DNM2: variants seen among roughly 807,000 people sequenced by gnomAD.
The protein encoded by DNM2 is dynamin-2.
A neutral mutation model predicts 99.0 loss-of-function variants in DNM2; 15 were observed. The ratio of observed to expected loss-of-function variants is 0.15; its 90% confidence interval spans 0.10 to 0.23. The LOEUF is 0.23. Ranked by LOEUF, DNM2 falls within the 10% of genes least tolerant of loss-of-function variation. The pLI, the probability that DNM2 is intolerant of heterozygous loss-of-function variation, is 1.00. For synonymous variants in DNM2, 525 were observed against 481.2 expected (o/e 1.09, Z -1.19); for missense variants, 742 against 1,189.4 (o/e 0.62, Z 5.53).
chr19:10,783,414 C>T (rs894251747), intron 6 of DNM2, among the ~76,000 whole-genome samples: 1 of 152,086 alleles, frequency 6.6e-6, no homozygotes, highest in Admixed American at 6.6e-5. Context: ...CTTCAGTGAG[C>T]CATGTTCATG....
intron 1 of DNM2, among the ~76,000 whole-genome samples, chr19:10,750,147 C>T (rs2145808462): frequency 6.6e-6 from 1 of 152,126 alleles, no homozygotes; most frequent in African/African-American, 2.4e-5. Context: ...TGGGGCCTGG[C>T]CTGGGCCCAT....
At chr19:10,728,285 C>T (rs1216672302) in intron 1 of DNM2, among the ~76,000 whole-genome samples, 1 of 152,186 alleles carries the variant, frequency 6.6e-6, no homozygotes, top group Non-Finnish European at 1.5e-5. Flanking sequence ...CTCTTAGCAT[C>T]CCTGCTTTAT....
rs2072548771 is a variant in DNM2 at position 10,811,645 on chromosome 19, A to T, written c.1558-619A>T. The T allele has an allele frequency of 2.0e-6, 1 of 493,842 alleles. No individual in the cohort carries two copies. Among genetic ancestry groups the T allele is most frequent in the African/African-American group, 2.0e-5 (1 of 51,244 alleles). 30.6% of individuals were successfully genotyped at this position (493,842 alleles called of 1,614,324 possible). A position where few individuals can be genotyped will look rare whatever the true frequency, so the allele number is the denominator to read the frequency against. On this transcript the variant is annotated intron_variant, in intron 14 of 20. Coordinates refer to ENST00000389253, the MANE Select transcript of DNM2 (RefSeq NM_001005361.3). This position sits in a 1 kb window ranked among gnomAD's most constrained non-coding sequence, Gnocchi z 5.4. ...CAGGGAGCATGGGAGCACAGCCCCC[A>T]GGCTGCCTGCCGTTAGTTGTCAGGT...
Position 10,817,695 on chromosome 19 carries a change from G to A in DNM2, c.1672-2285G>A, listed in dbSNP as rs549116743. On this transcript the variant is annotated intron_variant, in intron 15 of 20. Coordinates refer to ENST00000389253, the MANE Select transcript of DNM2 (RefSeq NM_001005361.3). This position sits in a 1 kb window ranked among gnomAD's most constrained non-coding sequence, Gnocchi z 4.6. ...GGGTTTTCAGGAAATCCTAAAGAGTGGGGGAGGCGGAGCAGGAGGCAGGGT... is the reference window on the plus strand; with the variant it reads ...GGGTTTTCAGGAAATCCTAAAGAGTAGGGGAGGCGGAGCAGGAGGCAGGGT... 6.6e-6 allele frequency among the ~76,000 whole-genome samples: 1 copy of A among 150,916 alleles called. No homozygotes were observed. Among genetic ancestry groups the A allele is most frequent in the African/African-American group, 2.4e-5 (1 of 41,088 alleles).
intron 2 of DNM2, among the ~76,000 whole-genome samples, chr19:10,766,631 A>T (rs1326275079): frequency 2.6e-5 from 4 of 151,880 alleles, no homozygotes; most frequent in Non-Finnish European, 5.9e-5. Flanking sequence ...GGGAACTGTG[A>T]TCACACCAAG....
In DNM2 at chr19:10,830,758, G is replaced by C. The variant is rs992462331; in HGVS notation, c.2544-220G>C. 6.6e-6 allele frequency among the ~76,000 whole-genome samples: 1 copy of C among 152,170 alleles called. No individual in the cohort carries two copies. The highest frequency in any genetic ancestry group is 2.4e-5 in the African/African-American group (1 of 41,436). ...CCCACTTCTCCGGTGGGGAAGCTGA[G>C]GCCCAGGGAGGGCAGGGGGCTCACT... is the stretch of plus-strand genomic sequence containing the variant. On this transcript the variant is annotated intron_variant, in intron 20 of 20. Transcript: ENST00000389253. This position sits in a 1 kb window ranked among gnomAD's most constrained non-coding sequence, Gnocchi z 4.8.
rs2071909377 is a variant in DNM2 at position 10,795,749 on chromosome 19, G to C, written c.1196+310G>C. ...AGAATGCTCACTGCAGATTTGCCTG[G>C]GGAGGGGCGGGGCGGCACTGAATCA... On this transcript the variant is annotated intron_variant, in intron 9 of 20. Transcript: ENST00000389253. This position sits in a 1 kb window ranked among gnomAD's most constrained non-coding sequence, Gnocchi z 4.2. 3.4e-6 allele frequency: 2 copies of C among 580,128 alleles called. No homozygotes were observed. Among genetic ancestry groups the C allele is most frequent in the Non-Finnish European group, 3.1e-6 (1 of 325,890 alleles). 35.9% of individuals were successfully genotyped at this position (580,128 alleles called of 1,614,324 possible). A position where few individuals can be genotyped will look rare whatever the true frequency, so the allele number is the denominator to read the frequency against.
chr19:10,830,838 C>G lies in DNM2; in HGVS notation c.2544-140C>G, dbSNP rs2073322292. The G allele has an allele frequency of 9.4e-7, 1 of 1,067,012 alleles. No individual in the cohort carries two copies. Among genetic ancestry groups the G allele is most frequent in the Non-Finnish European group, 1.3e-6 (1 of 756,284 alleles). 66.1% of individuals were successfully genotyped at this position (1,067,012 alleles called of 1,614,324 possible). ...TAGGTTTGGCACTCCTGCCCGACACCCTGGTGGCTTGCGGAGGTCAGCCTG... is the reference window on the plus strand; with the variant it reads ...TAGGTTTGGCACTCCTGCCCGACACGCTGGTGGCTTGCGGAGGTCAGCCTG... On this transcript the variant is annotated intron_variant, in intron 20 of 20. Coordinates refer to ENST00000389253, the MANE Select transcript of DNM2 (RefSeq NM_001005361.3). This position sits in a 1 kb window ranked among gnomAD's most constrained non-coding sequence, Gnocchi z 4.8.
chr19:10,746,727 G>GTTTTTTTTTTTTTTTTTTTTTTTT lies in DNM2; in HGVS notation c.162-13005_162-13004insTTTTTTTTTTTTTTTTTTTTTTTT, dbSNP rs757494612. Among the ~76,000 whole-genome samples, 2 of 116,210 alleles carry GTTTTTTTTTTTTTTTTTTTTTTTT rather than the reference G, an allele frequency of 1.7e-5. 1 individual carries two copies. Among genetic ancestry groups the GTTTTTTTTTTTTTTTTTTTTTTTT allele is most frequent in the Non-Finnish European group, 3.3e-5 (2 of 60,032 alleles). 76.2% of individuals were successfully genotyped at this position (116,210 alleles called of 152,430 possible). On this transcript the variant is annotated intron_variant, in intron 1 of 20. Transcript: ENST00000389253. ...GAGCAACCGTGCCGGCTTTTTTTTT[G>GTTTTTTTTTTTTTTTTTTTTTTTT]TTTTTTGTTTTTTTTTTTTTTGAGA... is the stretch of plus-strand genomic sequence containing the variant.
chr19:10,728,050 C>T (rs967235669), intron 1 of DNM2, among the ~76,000 whole-genome samples: 1 of 152,136 alleles, frequency 6.6e-6, no homozygotes, highest in African/African-American at 2.4e-5. Context: ...CTTCCGGGTG[C>T]GTTTTGGGTT....
At chr19:10,814,350 G>T (rs1419103439) in intron 15 of DNM2, among the ~76,000 whole-genome samples, 2 of 152,018 alleles carry the variant, frequency 1.3e-5, no homozygotes, top group Non-Finnish European at 2.9e-5. Flanking sequence ...TGTAATCCCA[G>T]CTACTCAGGA....
rs186161515 is a variant in DNM2 at position 10,823,060 on chromosome 19, G to A, written c.1782-728G>A. ...GCGGAGCTTGCAGTGAGCCAAGATC[G>A]CGCCACTGCACTCCAGCCTGGGCGA... On this transcript the variant is annotated intron_variant, in intron 16 of 20. Coordinates refer to ENST00000389253, the MANE Select transcript of DNM2 (RefSeq NM_001005361.3). 6.6e-5 allele frequency among the ~76,000 whole-genome samples: 10 copies of A among 151,356 alleles called. No homozygotes were observed. The East Asian group carries it at 1.4e-3, about 21-fold the overall frequency.
At position 10,802,556 on chromosome 19, in the gene DNM2, C is replaced by T. The variant is rs540658457; in HGVS notation, c.1493+198C>T. On this transcript the variant is annotated intron_variant, in intron 12 of 20. Coordinates refer to ENST00000389253, the MANE Select transcript of DNM2 (RefSeq NM_001005361.3). ...AGTGGTCCACTGTCCCCAACCAACA[C>T]GCCTTCTGTGAGGCATCCCCATGGT... 1.0e-4 allele frequency: 69 copies of T among 669,768 alleles called. 1 individual carries two copies. The highest frequency in any genetic ancestry group is 6.9e-4 in the South Asian group (42 of 60,680). The allele number at this position is 669,768 out of a possible 1,614,324, so 41.5% of individuals were successfully genotyped here.
intron 1 of DNM2, among the ~76,000 whole-genome samples, chr19:10,740,927 G>C (rs892808573): frequency 2.0e-5 from 3 of 152,092 alleles, no homozygotes; most frequent in Non-Finnish European, 2.9e-5. Context: ...ACTGTGGTTG[G>C]AGGAACTACT....
chr19:10,752,431 C>T lies in DNM2; in HGVS notation c.162-7307C>T, dbSNP rs139973550. Among the ~76,000 whole-genome samples, 1,080 of 152,312 alleles carry T rather than the reference C, an allele frequency of 7.1e-3. 7 individuals carry two copies. The highest frequency in any genetic ancestry group is 0.013 in the Non-Finnish European group (885 of 68,020). On this transcript the variant is annotated intron_variant, in intron 1 of 20. Transcript: ENST00000389253. ...GTGATTGTCCGTTGTCTGAGCTGGG[C>T]GCTGGTGGCGTCTGGGGCATCACCA...
At chr19:10,756,692 C>G (rs1057128618) in intron 1 of DNM2, among the ~76,000 whole-genome samples, 1 of 152,080 alleles carries the variant, frequency 6.6e-6, no homozygotes, top group Non-Finnish European at 1.5e-5. Context: ...GGCCAGGGCT[C>G]GTCCCCCAGA....
intron 12 of DNM2, among the ~76,000 whole-genome samples, chr19:10,805,088 T>C (rs960159886): frequency 6.6e-6 from 1 of 152,210 alleles, no homozygotes; most frequent in African/African-American, 2.4e-5. Flanking sequence ...TAGTGGGATT[T>C]GTCTATGCCG....
chr19:10,787,486 G>C (rs1211417331), intron 7 of DNM2, among the ~76,000 whole-genome samples: 1 of 149,934 alleles, frequency 6.7e-6, no homozygotes, highest in African/African-American at 2.5e-5. Flanking sequence ...AAGAAAAAAG[G>C]CCAGGCACGG....
chr19:10,758,290 C>T (rs2070472301), intron 1 of DNM2, among the ~76,000 whole-genome samples: 1 of 149,360 alleles, frequency 6.7e-6, no homozygotes, highest in Non-Finnish European at 1.5e-5. Flanking sequence ...TCCCTCCTTC[C>T]TTCCCTCCCT....
Sources: allele counts gnomAD v4.1 joint callset (sites outside exome capture counted in the v4.1 genomes callset), GRCh38; gene constraint gnomAD v4.1.1; non-coding constraint Gnocchi (gnomAD v3.1); transcripts MANE v1.5; gene names NCBI Gene and HGNC (gene_info 2026-07-23, HGNC 2026-07-21).